AK5: variants seen among roughly 807,000 people sequenced by gnomAD.
AK5 encodes the protein adenylate kinase isoenzyme 5.
In AK5, 27 loss-of-function variants were observed where a neutral mutation model predicts 69.5. That is an observed-to-expected ratio of 0.39 (90% CI 0.29 to 0.54). The LOEUF (loss-of-function observed/expected upper bound fraction) is 0.54, where lower values mean the gene tolerates loss of function less well. AK5 is among the 20% of genes least tolerant of loss of function. The pLI is 0.71. For synonymous variants in AK5, 260 were observed against 244.4 expected (o/e 1.06, Z -0.60); for missense variants, 531 against 700.4 (o/e 0.76, Z 2.73).
intron 12 of AK5, among the ~76,000 whole-genome samples, chr1:77,528,279 TC>T (rs1443867510): frequency 2.0e-5 from 3 of 151,928 alleles, no homozygotes; most frequent in African/African-American, 7.2e-5. Context: ...GCATAGTATT[TC>T]CCCTAGTGCA....
intron 13 of AK5, among the ~76,000 whole-genome samples, chr1:77,538,478 G>A (rs967641244): frequency 6.6e-5 from 10 of 151,110 alleles, no homozygotes; most frequent in African/African-American, 2.4e-4. Flanking sequence ...CTTTTGAGCA[G>A]CCTGGAACAT....
chr1:77,538,490 A>C (rs1032641283), intron 13 of AK5, among the ~76,000 whole-genome samples: 3 of 138,996 alleles, frequency 2.2e-5, no homozygotes, highest in Non-Finnish European at 4.7e-5. Context: ...CTGGAACATT[A>C]AAAAAAAAAA....
At chr1:77,355,270 G>A (rs190740834) in intron 6 of AK5, among the ~76,000 whole-genome samples, 2 of 152,116 alleles carry the variant, frequency 1.3e-5, no homozygotes, top group Non-Finnish European at 1.5e-5. Context: ...TCATTTCATC[G>A]GTTCAATCTG....
intron 8 of AK5, among the ~76,000 whole-genome samples, chr1:77,428,143 A>G (rs1480728538): frequency 4.6e-5 from 7 of 152,200 alleles, no homozygotes; most frequent in Non-Finnish European, 1.0e-4. Context: ...AATCCACAAA[A>G]GAAAAAGTGC....
At chr1:77,345,504 T>G (rs910752078) in intron 6 of AK5, among the ~76,000 whole-genome samples, 1 of 152,192 alleles carries the variant, frequency 6.6e-6, no homozygotes, top group Non-Finnish European at 1.5e-5. Flanking sequence ...AAATATTTTT[T>G]AAGTAGGGGT....
rs1660322449 is a variant in AK5 at position 77,559,493 on chromosome 1, C to T, written c.*823C>T. The T allele has an allele frequency of 1.3e-5, 2 of 152,078 alleles. No individual in the cohort carries two copies. Among genetic ancestry groups the T allele is most frequent in the East Asian group, 3.9e-4 (2 of 5,194 alleles). The allele number at this position is 152,078 out of a possible 1,614,324, so 9.4% of individuals were successfully genotyped here. A position where few individuals can be genotyped will look rare whatever the true frequency, so the allele number is the denominator to read the frequency against. Reference sequence around the variant, plus strand: ...TAAAAGCATGAGATATTTGCTATTTCATTCATTGGGCACATATCAAATTAT... The same window carrying T: ...TAAAAGCATGAGATATTTGCTATTTTATTCATTGGGCACATATCAAATTAT... On this transcript the variant is annotated 3_prime_UTR_variant, in exon 14 of 14. Transcript: ENST00000354567.
chr1:77,558,237 A>G (rs985441210), intron 13 of AK5, among the ~76,000 whole-genome samples: 1 of 152,162 alleles, frequency 6.6e-6, no homozygotes, highest in East Asian at 1.9e-4. Flanking sequence ...GCAATTGCTA[A>G]AAAGTATGGT....
intron 6 of AK5, among the ~76,000 whole-genome samples, chr1:77,374,595 A>G (rs906076734): frequency 6.6e-6 from 1 of 152,120 alleles, no homozygotes; most frequent in African/African-American, 2.4e-5. Context: ...TGAGGTGGAA[A>G]GATCACATCA....
At chr1:77,499,345 C>G (rs775855917) in intron 10 of AK5, among the ~76,000 whole-genome samples, 4 of 152,144 alleles carry the variant, frequency 2.6e-5, no homozygotes, top group Non-Finnish European at 1.5e-5. Context: ...GTTACTGCGA[C>G]TCAGGTGATA....
chr1:77,351,162 A>G (rs1431355255), intron 6 of AK5, among the ~76,000 whole-genome samples: 1 of 152,114 alleles, frequency 6.6e-6, no homozygotes, highest in African/African-American at 2.4e-5. Flanking sequence ...GGGAGGCTGA[A>G]ATGGGTGGAT....
chr1:77,321,533 A>C (rs529798521), intron 5 of AK5, among the ~76,000 whole-genome samples: 1 of 152,352 alleles, frequency 6.6e-6, no homozygotes, highest in Admixed American at 6.5e-5. Context: ...TCATAGTAGC[A>C]GAAAAAGCAT....
At chr1:77,290,651 C>G (rs1172181492) in intron 2 of AK5, among the ~76,000 whole-genome samples, 1 of 152,168 alleles carries the variant, frequency 6.6e-6, no homozygotes, top group Non-Finnish European at 1.5e-5. Context: ...TCCAGAATAT[C>G]TCATTATCTT....
intron 7 of AK5, among the ~76,000 whole-genome samples, chr1:77,415,716 C>T (rs1430912786): frequency 6.6e-6 from 1 of 152,176 alleles, no homozygotes; most frequent in Admixed American, 6.6e-5. Flanking sequence ...TGACAGCATG[C>T]TCCTCCAGGT....
chr1:77,523,659 C>T (rs982144307), intron 12 of AK5, among the ~76,000 whole-genome samples: 11 of 152,010 alleles, frequency 7.2e-5, no homozygotes, highest in Admixed American at 2.0e-4. Context: ...TGAAACTCTA[C>T]CTACTATTTA....
rs202109440 is a variant in AK5, at chr1:77,297,624, A to G, written c.481A>G (p.Ile161Val). 74 of 1,613,868 alleles carry G rather than the reference A, an allele frequency of 4.6e-5. No homozygotes were observed. The highest frequency in any genetic ancestry group is 5.9e-5 in the Non-Finnish European group (70 of 1,179,952). The change falls in exon 4 of 14, where the codon ATT becomes GTT. Residue 161 changes from isoleucine (I) to valine (V), a missense_variant. Coordinates refer to ENST00000354567, the MANE Select transcript of AK5 (RefSeq NM_174858.3). ...KIAERYGFQY[I>V]SVGELLRKKI... The stretch of plus-strand genomic sequence containing the variant: ...TGCAGAACGATATGGATTCCAATAC[A>G]TTTCTGTGGGAGAATTATTAAGAAA...
At chr1:77,497,704 C>T (rs1351432391) in intron 10 of AK5, among the ~76,000 whole-genome samples, 1 of 146,076 alleles carries the variant, frequency 6.8e-6, no homozygotes, top group Non-Finnish European at 1.5e-5. Context: ...CCTCCCACCT[C>T]GGCCCCCGGA....
At chr1:77,348,765 A>C (rs1345657562) in intron 6 of AK5, among the ~76,000 whole-genome samples, 2 of 152,070 alleles carry the variant, frequency 1.3e-5, no homozygotes, top group Non-Finnish European at 2.9e-5. Flanking sequence ...ACCCACACAC[A>C]CACACAAACA....
At chr1:77,436,506 A>G (rs1470968353) in intron 8 of AK5, among the ~76,000 whole-genome samples, 1 of 151,698 alleles carries the variant, frequency 6.6e-6, no homozygotes, top group Admixed American at 6.6e-5. Context: ...GAACCCAAAT[A>G]TATTTGTTTT....
At chr1:77,382,378 T>A (rs887259225) in intron 6 of AK5, among the ~76,000 whole-genome samples, 4 of 152,094 alleles carry the variant, frequency 2.6e-5, no homozygotes, top group African/African-American at 9.7e-5. Flanking sequence ...AGAGACAGGG[T>A]CTCACTCTGT....
Sources: allele counts gnomAD v4.1 joint callset (sites outside exome capture counted in the v4.1 genomes callset), GRCh38; gene constraint gnomAD v4.1.1; transcripts MANE v1.5; gene names NCBI Gene and HGNC (gene_info 2026-07-23, HGNC 2026-07-21).